Variants in CSMD1 observed in about 807,000 individuals in gnomAD.
CSMD1 encodes the protein CUB and Sushi multiple domains 1.
Under a neutral mutation model 417.5 loss-of-function variants are expected in CSMD1, and 213 were observed. The observed-to-expected ratio is 0.51, with a 90% confidence interval of 0.46 to 0.57. CSMD1 has a LOEUF of 0.57. Ranked by LOEUF, CSMD1 falls within the 20% of genes least tolerant of loss-of-function variation. The pLI is 0.00. For missense variants in CSMD1, 6,923 were observed against 4,529.7 expected (o/e 1.53, Z -15.17); for synonymous variants, 2,862 against 1,736.8 (o/e 1.65, Z -16.11).
intron 37 of CSMD1, among the ~76,000 whole-genome samples, chr8:3,176,527 A>G (rs1820946517): frequency 6.6e-6 from 1 of 152,274 alleles, no homozygotes; most frequent in South Asian, 2.1e-4. Context: ...GACCCTTAAA[A>G]TCTCTAGAGT....
intron 26 of CSMD1, among the ~76,000 whole-genome samples, chr8:3,246,110 G>T (rs569022594): frequency 3.3e-5 from 5 of 152,148 alleles, no homozygotes; most frequent in East Asian, 1.9e-4. Context: ...TGCTAAGAAG[G>T]CACATCGGTT....
At chr8:4,614,136 T>G (rs1378788852) in intron 2 of CSMD1, among the ~76,000 whole-genome samples, 3 of 152,088 alleles carry the variant, frequency 2.0e-5, no homozygotes, top group Non-Finnish European at 4.4e-5. Context: ...AATGAACTTT[T>G]AAGTTCTGAT....
chr8:3,304,374 G>A (rs1402732005), intron 25 of CSMD1, among the ~76,000 whole-genome samples: 1 of 152,024 alleles, frequency 6.6e-6, no homozygotes, highest in Non-Finnish European at 1.5e-5. Context: ...CTGAGTATTA[G>A]TACAATTTTA....
intron 2 of CSMD1, among the ~76,000 whole-genome samples, chr8:4,478,834 G>A (rs1312485339): frequency 1.3e-5 from 2 of 152,220 alleles, no homozygotes; most frequent in Middle Eastern, 3.4e-3. Context: ...TATTTCATAT[G>A]CTTTGACATC....
At chr8:3,718,190 A>G (rs1463848233) in intron 6 of CSMD1, among the ~76,000 whole-genome samples, 3 of 152,220 alleles carry the variant, frequency 2.0e-5, no homozygotes, top group African/African-American at 4.8e-5. Context: ...AGTTGTTAGT[A>G]CAATAACTCT....
intron 5 of CSMD1, among the ~76,000 whole-genome samples, chr8:3,915,539 C>A (rs191653736): frequency 1.8e-4 from 27 of 151,134 alleles, no homozygotes; most frequent in Admixed American, 1.7e-3. Context: ...CGATCAAATT[C>A]TAGCTTTAAA....
At chr8:3,992,460 T>A (rs1312203255) in intron 5 of CSMD1, among the ~76,000 whole-genome samples, 1 of 152,164 alleles carries the variant, frequency 6.6e-6, no homozygotes, top group Non-Finnish European at 1.5e-5. Context: ...AACAGGTTTG[T>A]GAAATAAAAT....
intron 1 of CSMD1, among the ~76,000 whole-genome samples, chr8:4,837,949 A>C (rs6989524): frequency 5.1e-4 from 77 of 152,288 alleles, no homozygotes; most frequent in African/African-American, 1.8e-3. Context: ...ACAATCTAGC[A>C]ATGCTCACTG....
chr8:4,948,467 C>T (rs1808515898), intron 1 of CSMD1, among the ~76,000 whole-genome samples: 3 of 151,924 alleles, frequency 2.0e-5, no homozygotes, highest in Non-Finnish European at 4.4e-5. Context: ...ATCCAGTAAT[C>T]TTGATGTCTG....
At chr8:3,404,451 G>C (rs1455460851) in intron 15 of CSMD1, among the ~76,000 whole-genome samples, 1 of 152,060 alleles carries the variant, frequency 6.6e-6, no homozygotes, top group East Asian at 1.9e-4. Flanking sequence ...ACCATACTGT[G>C]GTTGTCATGG....
At chr8:4,608,963 T>C (rs916133955) in intron 2 of CSMD1, among the ~76,000 whole-genome samples, 17 of 151,548 alleles carry the variant, frequency 1.1e-4, no homozygotes, top group African/African-American at 4.1e-4. Context: ...CACAATGTTA[T>C]ACTTTTTCCT....
At chr8:3,188,216 G>GTCTA (rs71199541) in intron 35 of CSMD1, among the ~76,000 whole-genome samples, 31 of 142,692 alleles carry the variant, frequency 2.2e-4, no homozygotes, top group South Asian at 4.5e-4. Flanking sequence ...TCATCTACAT[G>GTCTA]TCTATCTATC....
intron 1 of CSMD1, among the ~76,000 whole-genome samples, chr8:4,951,527 AAG>A (rs1808746319): frequency 6.6e-6 from 1 of 151,324 alleles, no homozygotes; most frequent in Non-Finnish European, 1.5e-5. Flanking sequence ...GGAGGGGAGA[AAG>A]AGAAAAGAAA....
chr8:4,828,168 T>C (rs1799943465), intron 1 of CSMD1, among the ~76,000 whole-genome samples: 1 of 152,144 alleles, frequency 6.6e-6, no homozygotes, highest in African/African-American at 2.4e-5. Flanking sequence ...ATCCCACAAA[T>C]ACAGAGCTCA....
chr8:4,111,274 G>T (rs1334155067), intron 3 of CSMD1, among the ~76,000 whole-genome samples: 1 of 152,090 alleles, frequency 6.6e-6, no homozygotes, highest in African/African-American at 2.4e-5. Context: ...TTTAGATATA[G>T]ATCAGTGAAA....
intron 1 of CSMD1, among the ~76,000 whole-genome samples, chr8:4,675,599 G>C (rs778674594): frequency 6.6e-6 from 1 of 152,104 alleles, no homozygotes; most frequent in Non-Finnish European, 1.5e-5. Flanking sequence ...AGTAGCAGCA[G>C]TGATTACAAT....
At chr8:3,545,189 A>T (rs1428459763) in intron 10 of CSMD1, among the ~76,000 whole-genome samples, 1 of 152,208 alleles carries the variant, frequency 6.6e-6, no homozygotes, top group African/African-American at 2.4e-5. Context: ...AGCAAAGAGC[A>T]GGAGGTAGAA....
At chr8:3,747,726 G>T (rs767801929) in intron 6 of CSMD1, among the ~76,000 whole-genome samples, 1 of 151,938 alleles carries the variant, frequency 6.6e-6, no homozygotes, top group Non-Finnish European at 1.5e-5. Context: ...CTTATGTTCA[G>T]CTTGATGGTA....
At chr8:3,416,125 C>G (rs1421226356) in intron 12 of CSMD1, among the ~76,000 whole-genome samples, 2 of 151,248 alleles carry the variant, frequency 1.3e-5, no homozygotes, top group African/African-American at 4.9e-5. Context: ...CATGGTGAAA[C>G]CCCGTCTCTA....
Sources: gnomAD v4.1 joint callset for allele counts (sites outside exome capture counted in the v4.1 genomes callset) on GRCh38, gnomAD v4.1.1 for gene constraint, MANE v1.5 for transcripts, NCBI Gene and HGNC (gene_info 2026-07-23, HGNC 2026-07-21) for gene names.